The following DLGAP3 variants were observed in gnomAD, a reference collection of about 807,000 sequenced individuals.
DLGAP3 encodes the protein disks large-associated protein 3.
DLGAP3 carries 17 observed loss-of-function variants against 81.2 expected under a neutral mutation model. The observed-to-expected ratio is 0.21, with a 90% CI of 0.14 to 0.31. The LOEUF (loss-of-function observed/expected upper bound fraction) is 0.31, where lower values mean the gene tolerates loss of function less well. DLGAP3 is among the 10% of genes least tolerant of loss of function. The pLI is 1.00. For missense variants in DLGAP3, 1,124 were observed against 1,388.0 expected (o/e 0.81, Z 3.02); for synonymous variants, 577 against 587.4 (o/e 0.98, Z 0.26).
At chr1:34,894,112 T>G (rs1385022035) in intron 5 of DLGAP3, among the ~76,000 whole-genome samples, 1 of 152,128 alleles carries the variant, frequency 6.6e-6, no homozygotes, top group Non-Finnish European at 1.5e-5. Flanking sequence ...TGATTGAGCC[T>G]GGGAGGTCAA....
chr1:34,869,006 G>A lies in DLGAP3; in HGVS notation c.2084C>T (p.Thr695Met), dbSNP rs367604760. 3.4e-5 allele frequency: 54 copies of A among 1,605,580 alleles called. 1 individual carries two copies. The highest frequency in any genetic ancestry group is 3.2e-4 in the South Asian group (29 of 90,834). The change falls in exon 9 of 12, where the codon ACG becomes ATG. Residue 695 changes from threonine to methionine, a missense_variant. Thr to Met is a moderately conservative substitution (Grantham distance 81, BLOSUM62 -1). This residue lies in a region of DLGAP3 where 379 missense variants were observed against 455.7 expected (regional missense o/e 0.83). Transcript: ENST00000373347. ...LELEGLAGLATVATEDKALQF... is the reference protein window; with the variant it reads ...LELEGLAGLAMVATEDKALQF... ...CAGGGCCTTGTCTTCTGTGGCCACC[G>A]TGGCCAGGCCTGCCAGGCCCTCCAG...
chr1:34,878,289 GA>G (rs1472308098), intron 8 of DLGAP3, among the ~76,000 whole-genome samples: 1 of 151,914 alleles, frequency 6.6e-6, no homozygotes, highest in Non-Finnish European at 1.5e-5. Context: ...CTGGGTGACA[GA>G]GCAAGACTCA....
At chr1:34,893,178 CAAAAAAAAAAAAA>C (rs58802413) in intron 5 of DLGAP3, among the ~76,000 whole-genome samples, 12 of 84,808 alleles carry the variant, frequency 1.4e-4, no homozygotes, top group African/African-American at 5.2e-4. Flanking sequence ...GACTCCGTCT[CAAAAAAAAAAAAA>C]AAAAAAAACA....
chr1:34,886,072 A>C lies in DLGAP3; in HGVS notation c.1600T>G (p.Ser534Ala), dbSNP rs1240180304. The change falls in exon 6 of 12, where the codon TCC becomes GCC. Residue 534 changes from serine (S) to alanine (A), a missense_variant and splice_region_variant. This residue lies in a region of DLGAP3 where 379 missense variants were observed against 455.7 expected (regional missense o/e 0.83). Transcript: ENST00000373347. ...PAAVSGRPGS[S>A]FNFRKAPPPI... ...GCCAGGGGCAGGAAGGTGTACTCAC[A>C]GGAGCCGGGCCTCCCTGAGACAGCG... The C allele has an allele frequency of 6.3e-7, 1 of 1,598,724 alleles. No homozygotes were observed. Among genetic ancestry groups the C allele is most frequent in the Non-Finnish European group, 8.5e-7 (1 of 1,174,314 alleles).
At chr1:34,910,110 C>G (rs1639616789) in intron 1 of DLGAP3, among the ~76,000 whole-genome samples, 1 of 152,168 alleles carries the variant, frequency 6.6e-6, no homozygotes, top group Non-Finnish European at 1.5e-5. Context: ...TATCTTGCCA[C>G]CACAAAAGGC....
intron 1 of DLGAP3, among the ~76,000 whole-genome samples, chr1:34,927,951 A>C (rs2148423564): frequency 6.6e-6 from 1 of 152,300 alleles, no homozygotes; most frequent in South Asian, 2.1e-4. Context: ...CAACATCTTC[A>C]TCTGTAAATC....
intron 7 of DLGAP3, 121 bp from the exon 8 acceptor site, chr1:34,885,184 C>A: frequency 1.0e-6 from 1 of 1,003,960 alleles, no homozygotes; most frequent in Non-Finnish European, 1.5e-6. Context: ...AGACCATCTG[C>A]CTGAACAAGA....
rs1291357467 is a variant in DLGAP3, at chr1:34,929,341, C to G, written c.-135+110G>C. 2 of 149,010 alleles carry G rather than the reference C, an allele frequency of 1.3e-5. No homozygotes were observed. The highest frequency in any genetic ancestry group is 4.9e-5 in the African/African-American group (2 of 41,062). The allele number at this position is 149,010 out of a possible 1,614,324, so 9.2% of individuals were successfully genotyped here. ...CCCTCCCGGGGCCGGGAGCCGAGCG[C>G]CGGAGCCCGGGGCGTGGGCGGCGCC... On this transcript the variant is annotated intron_variant, in intron 1 of 11. Transcript: ENST00000373347. The surrounding 1 kb of genome is among the most constrained non-coding windows in gnomAD (Gnocchi z 6.5).
rs551331011 is a variant in DLGAP3, at chr1:34,920,117, C to T, written c.-135+9334G>A. Among the ~76,000 whole-genome samples the T allele has an allele frequency of 9.2e-5, 14 of 152,254 alleles. No individual in the cohort carries two copies. The East Asian group carries it at 1.7e-3, about 19-fold the overall frequency. ...CTGAGCTCTCCATCTCTGAGCTCTCCGCAGCCATTCCCCTTCTCTCTACTC... is the reference window on the plus strand; with the variant it reads ...CTGAGCTCTCCATCTCTGAGCTCTCTGCAGCCATTCCCCTTCTCTCTACTC... On this transcript the variant is annotated intron_variant, in intron 1 of 11. Coordinates refer to ENST00000373347, the MANE Select transcript of DLGAP3 (RefSeq NM_001080418.3).
intron 2 of DLGAP3, 124 bp from the exon 3 acceptor site, chr1:34,905,558 A>C: frequency 1.4e-6 from 1 of 692,222 alleles, no homozygotes; most frequent in Non-Finnish European, 2.3e-6. Flanking sequence ...TAATCACACT[A>C]CCCTCCCACA....
rs147710532 is a variant in DLGAP3 at position 34,928,731 on chromosome 1, GCACA to G, written c.-135+716_-135+719del. Among the ~76,000 whole-genome samples the G allele has an allele frequency of 5.2e-3, 776 of 148,990 alleles. 8 individuals are homozygous for G. The highest frequency in any genetic ancestry group is 0.018 in the African/African-American group (734 of 40,694). ...ACAGCCAACGCACGCGCGCGCACACGCACACACACACACACACAGTCACACAGGG... is the reference window on the plus strand; with the variant it reads ...ACAGCCAACGCACGCGCGCGCACACGCACACACACACACAGTCACACAGGG... On this transcript the variant is annotated intron_variant, in intron 1 of 11. Transcript: ENST00000373347.
chr1:34,868,391 A>G lies in DLGAP3; in HGVS notation c.2485+214T>C, dbSNP rs1638919086. Among the ~76,000 whole-genome samples, 1 of 152,116 alleles carries G rather than the reference A, an allele frequency of 6.6e-6. No individual in the cohort carries two copies. The highest frequency in any genetic ancestry group is 1.5e-5 in the Non-Finnish European group (1 of 68,012). ...TCTGCAGTCCCAGCCCTGGCCTCTA[A>G]AGCTGCACCATGTGCACCCTGCTCC... On this transcript the variant is annotated intron_variant, in intron 9 of 11. Transcript: ENST00000373347. This position sits in a 1 kb window ranked among gnomAD's most constrained non-coding sequence, Gnocchi z 7.5.
At chr1:34,907,796 T>C (rs1216589934) in intron 1 of DLGAP3, among the ~76,000 whole-genome samples, 1 of 152,106 alleles carries the variant, frequency 6.6e-6, no homozygotes, top group Non-Finnish European at 1.5e-5. Context: ...GAGAAGTGTA[T>C]AGAGGTGATT....
chr1:34,886,331 G>T (rs1007751541), intron 5 of DLGAP3, 46 bp from the exon 6 acceptor site: 147 of 1,510,570 alleles, frequency 9.7e-5, no homozygotes, highest in Non-Finnish European at 1.2e-4. Flanking sequence ...TGCCGGGAGG[G>T]GGTGGAAGTC....
In DLGAP3 at chr1:34,865,881, G is replaced by GC; in HGVS notation, c.*201dup. On this transcript the variant is annotated 3_prime_UTR_variant, in exon 12 of 12. Transcript: ENST00000373347. The stretch of plus-strand genomic sequence containing the variant: ...GAGGGGCGCAGGGCGGAGAGGCACG[G>GC]CCCCCTGCCCAGCCCGGGCGCCTTC... The GC allele has an allele frequency of 1.5e-6, 1 of 669,362 alleles. No individual in the cohort carries two copies. Among genetic ancestry groups the GC allele is most frequent in the Non-Finnish European group, 2.7e-6 (1 of 372,174 alleles). 41.5% of individuals were successfully genotyped at this position (669,362 alleles called of 1,614,324 possible).
At chr1:34,898,179 G>A (rs972035006) in intron 5 of DLGAP3, among the ~76,000 whole-genome samples, 1 of 152,200 alleles carries the variant, frequency 6.6e-6, no homozygotes, top group Non-Finnish European at 1.5e-5. Context: ...TCAGCCATGA[G>A]CCCAGACAAG....
At chr1:34,885,253 C>G (rs796982152) in intron 7 of DLGAP3, among the ~76,000 whole-genome samples, 190 bp from the exon 8 acceptor site, 1 of 152,202 alleles carries the variant, frequency 6.6e-6, no homozygotes, top group African/African-American at 2.4e-5. Context: ...GCACAGCCCT[C>G]CAGCCCTCCA....
chr1:34,922,094 A>G (rs185559629), intron 1 of DLGAP3, among the ~76,000 whole-genome samples: 16 of 152,250 alleles, frequency 1.1e-4, no homozygotes, highest in Admixed American at 3.3e-4. Context: ...AGCAATGCCA[A>G]TGTTTAAGCC....
chr1:34,878,025 C>T (rs1041915781), intron 8 of DLGAP3, among the ~76,000 whole-genome samples: 1 of 152,196 alleles, frequency 6.6e-6, no homozygotes, highest in Non-Finnish European at 1.5e-5. Flanking sequence ...CACATATAGG[C>T]CAGGCACCGT....
Sources: gnomAD v4.1 joint callset for allele counts (sites outside exome capture counted in the v4.1 genomes callset) on GRCh38, gnomAD v4.1.1 for gene constraint, gnomAD v4.1.1 regional missense constraint, Gnocchi (gnomAD v3.1) non-coding constraint, MANE v1.5 for transcripts, NCBI Gene and HGNC (gene_info 2026-07-23, HGNC 2026-07-21) for gene names.